MACROD2: variants seen among roughly 807,000 people sequenced by gnomAD.
The protein encoded by MACROD2 is ADP-ribose glycohydrolase MACROD2.
In MACROD2, 36 loss-of-function variants were observed where a neutral mutation model predicts 70.4. The observed-to-expected ratio is 0.51, with a 90% confidence interval of 0.39 to 0.68. The LOEUF (loss-of-function observed/expected upper bound fraction) is 0.68. Ranked by LOEUF, MACROD2 falls within the 30% of genes least tolerant of loss-of-function variation. MACROD2 has a pLI of 0.00. For missense variants in MACROD2, 496 were observed against 538.4 expected, an observed-to-expected ratio of 0.92 and a Z score of 0.78; for synonymous variants, 172 against 178.8, an observed-to-expected ratio of 0.96 and a Z score of 0.30.
chr20:15,630,838 G>A (rs2049279462), intron 8 of MACROD2, among the ~76,000 whole-genome samples: 1 of 152,192 alleles, frequency 6.6e-6, no homozygotes, highest in African/African-American at 2.4e-5. Context: ...CAGCCTTGGT[G>A]TGAAGCCTCC....
intron 3 of MACROD2, among the ~76,000 whole-genome samples, chr20:14,256,543 A>G (rs1319653886): frequency 6.6e-6 from 1 of 152,138 alleles, no homozygotes; most frequent in African/African-American, 2.4e-5. Flanking sequence ...CTGGCAAGTA[A>G]TTGGCCTGGG....
intron 8 of MACROD2, among the ~76,000 whole-genome samples, chr20:15,677,835 G>A (rs1037656887): frequency 2.0e-5 from 3 of 152,122 alleles, no homozygotes; most frequent in Non-Finnish European, 2.9e-5. Flanking sequence ...TGGGGAGGCC[G>A]AGGCAGGTGG....
intron 3 of MACROD2, among the ~76,000 whole-genome samples, chr20:14,485,552 T>C (rs187182748): frequency 6.6e-6 from 1 of 151,522 alleles, no homozygotes; most frequent in Non-Finnish European, 1.5e-5. Context: ...ATACAAAAAA[T>C]TAGCCGGGCG....
At chr20:14,282,297 T>C (rs1351877945) in intron 3 of MACROD2, among the ~76,000 whole-genome samples, 1 of 152,202 alleles carries the variant, frequency 6.6e-6, no homozygotes, top group African/African-American at 2.4e-5. Context: ...TAAAGGTTAG[T>C]TGAATGTAGA....
intron 8 of MACROD2, among the ~76,000 whole-genome samples, chr20:15,641,691 A>G (rs1330747982): frequency 6.6e-6 from 1 of 152,212 alleles, no homozygotes; most frequent in Non-Finnish European, 1.5e-5. Context: ...AAAGGCATAT[A>G]TGTTTTAGAG....
chr20:14,328,904 T>G (rs2082784270), intron 3 of MACROD2: 1 of 152,110 alleles, frequency 6.6e-6, no homozygotes, highest in African/African-American at 2.4e-5. Flanking sequence ...AAGTTCCTTT[T>G]GTGTAGCTTA....
intron 5 of MACROD2, among the ~76,000 whole-genome samples, chr20:14,902,474 A>C (rs1456731820): frequency 6.6e-6 from 1 of 152,194 alleles, no homozygotes; most frequent in Non-Finnish European, 1.5e-5. Context: ...AATCTTCCTG[A>C]GGCATTCTTT....
intron 4 of MACROD2, among the ~76,000 whole-genome samples, chr20:14,682,075 G>A (rs1932954): frequency 0.86 from 131,468 of 152,156 alleles, 57,308 homozygotes; most frequent in East Asian, 1. Flanking sequence ...CACTGCCCGA[G>A]TGCAGTCAGG....
At position 14,248,150 on chromosome 20, in the gene MACROD2, C is replaced by A. The variant is rs547272832; in HGVS notation, c.271+162422C>A. On this transcript the variant is annotated intron_variant, in intron 3 of 17. Transcript: ENST00000684519. ...TAAATATAAGAAAATGATTGCTTAT[C>A]AGTAGCATATAAATTCAGAGTCAGG... 4.6e-5 allele frequency among the ~76,000 whole-genome samples: 7 copies of A among 152,248 alleles called. No homozygotes were observed. In the South Asian group the frequency reaches 1.4e-3, roughly 31 times the overall value.
At chr20:14,536,792 T>C (rs2085371976) in intron 4 of MACROD2, among the ~76,000 whole-genome samples, 1 of 152,166 alleles carries the variant, frequency 6.6e-6, no homozygotes, top group Non-Finnish European at 1.5e-5. Context: ...ATTGGGAACA[T>C]CCAAATTGGC....
chr20:15,684,459 C>G (rs1410119249), intron 8 of MACROD2, among the ~76,000 whole-genome samples: 1 of 152,202 alleles, frequency 6.6e-6, no homozygotes, highest in Non-Finnish European at 1.5e-5. Context: ...AGTGAGCAGA[C>G]TAGGACGGCT....
intron 6 of MACROD2, among the ~76,000 whole-genome samples, chr20:15,269,387 T>C (rs1382402135): frequency 6.6e-6 from 1 of 152,246 alleles, no homozygotes; most frequent in Non-Finnish European, 1.5e-5. Flanking sequence ...ATTCCTTAGC[T>C]GTCCCTTCAC....
At chr20:14,467,973 G>A (rs2084477450) in intron 3 of MACROD2, among the ~76,000 whole-genome samples, 1 of 152,118 alleles carries the variant, frequency 6.6e-6, no homozygotes, top group Admixed American at 6.5e-5. Flanking sequence ...TGGTCTGAGA[G>A]ACTGTTTGTT....
chr20:15,455,962 G>A (rs980043271), intron 7 of MACROD2, among the ~76,000 whole-genome samples: 2 of 152,038 alleles, frequency 1.3e-5, no homozygotes, highest in Non-Finnish European at 2.9e-5. Flanking sequence ...GCTTAATAGA[G>A]ACCCAGACAA....
chr20:15,597,958 A>G (rs888593788), intron 8 of MACROD2, among the ~76,000 whole-genome samples: 4 of 152,192 alleles, frequency 2.6e-5, no homozygotes, highest in African/African-American at 9.6e-5. Context: ...GGGTGCCTGT[A>G]ATCCCAGCTG....
intron 6 of MACROD2, among the ~76,000 whole-genome samples, chr20:15,339,123 AT>A (rs1247310621): frequency 3.3e-5 from 5 of 151,962 alleles, no homozygotes; most frequent in African/African-American, 1.2e-4. Flanking sequence ...CAAAAGAAGT[AT>A]TTTAAATGTG....
intron 7 of MACROD2, among the ~76,000 whole-genome samples, chr20:15,479,260 G>T (rs2876408): frequency 0.85 from 121,704 of 142,502 alleles, 52,347 homozygotes; most frequent in East Asian, 0.98. Flanking sequence ...CTAGATTCTC[G>T]CTCTCTTTTT....
At chr20:15,884,821 CTGGAAGTCCAAGA>C (rs1408412533) in intron 9 of MACROD2, among the ~76,000 whole-genome samples, 1 of 152,008 alleles carries the variant, frequency 6.6e-6, no homozygotes, top group African/African-American at 2.4e-5. Flanking sequence ...GTTCTGGAGG[CTGGAAGTCCAAGA>C]TCAAGGTGCT....
intron 5 of MACROD2, among the ~76,000 whole-genome samples, chr20:14,800,467 G>T (rs954332764): frequency 6.6e-6 from 1 of 151,986 alleles, no homozygotes. Context: ...CCTACCAAAG[G>T]TTATTTCTGT....
Sources: gnomAD v4.1 joint callset for allele counts (sites outside exome capture counted in the v4.1 genomes callset) on GRCh38, gnomAD v4.1.1 for gene constraint, MANE v1.5 for transcripts, NCBI Gene and HGNC (gene_info 2026-07-23, HGNC 2026-07-21) for gene names.